DRAM2: variants seen among roughly 807,000 people sequenced by gnomAD.
DRAM2 encodes the protein DNA damage regulated autophagy modulator 2.
A neutral mutation model predicts 33.5 loss-of-function variants in DRAM2; 26 were observed. The observed-to-expected ratio is 0.78, with a 90% CI of 0.57 to 1.08. The LOEUF (loss-of-function observed/expected upper bound fraction) is 1.08, where lower values mean the gene tolerates loss of function less well. DRAM2 is among the 50% of genes least tolerant of loss of function. The pLI is 0.00. For synonymous variants in DRAM2, 98 were observed against 109.5 expected, an observed-to-expected ratio of 0.89 and a Z score of 0.66; for missense variants, 311 against 318.1, an observed-to-expected ratio of 0.98 and a Z score of 0.17.
rs759095509 is a variant in DRAM2 at position 111,131,516 on chromosome 1, T to C, written c.39A>G (p.Ser13=). ...CAGCAGATGTCCAAATTACAAGGGC[T>C]GAAGGAAGGAAACTGAGGCCTTGCT... ...WFQQGLSFLP[S]ALVIWTSAAF... Residue 13 remains serine, a synonymous_variant, in exon 4 of 10, where the codon TCA becomes TCG. Coordinates refer to ENST00000484310, the MANE Select transcript of DRAM2 (RefSeq NM_001349884.2). 44 of 1,614,186 alleles carry C rather than the reference T, an allele frequency of 2.7e-5. No individual in the cohort carries two copies. The highest frequency in any genetic ancestry group is 3.6e-5 in the Non-Finnish European group (43 of 1,180,018).
chr1:111,121,813 T>C (rs1243031251), intron 6 of DRAM2, among the ~76,000 whole-genome samples: 4 of 152,148 alleles, frequency 2.6e-5, no homozygotes, highest in Non-Finnish European at 4.4e-5. Flanking sequence ...TCTTAAGTAC[T>C]AAGCTAGGTG....
chr1:111,125,639 T>G (rs1259427615), intron 5 of DRAM2: 1 of 152,282 alleles, frequency 6.6e-6, no homozygotes, highest in East Asian at 1.9e-4. Flanking sequence ...CTTCCTGATT[T>G]CTATTTTTGA....
chr1:111,117,869 GGTT>G lies in DRAM2; in HGVS notation c.*288_*290del. On this transcript the variant is annotated 3_prime_UTR_variant, in exon 10 of 10. Transcript: ENST00000484310. Reference sequence around the variant, plus strand: ...TGTGCAGACTGATTGGTGCACGTCAGGTTGTTTCTCTTAAATAAGGTATAAAAA... The same window carrying G: ...TGTGCAGACTGATTGGTGCACGTCAGGTTTCTCTTAAATAAGGTATAAAAA... The G allele has an allele frequency of 2.7e-6, 1 of 367,744 alleles. No homozygotes were observed. Among genetic ancestry groups the G allele is most frequent in the South Asian group, 2.7e-5 (1 of 36,764 alleles). The allele number at this position is 367,744 out of a possible 1,614,324, so 22.8% of individuals were successfully genotyped here. A position where few individuals can be genotyped will look rare whatever the true frequency, so the allele number is the denominator to read the frequency against.
intron 4 of DRAM2, among the ~76,000 whole-genome samples, chr1:111,127,146 G>A (rs1484789636): frequency 6.6e-6 from 1 of 152,178 alleles, no homozygotes; most frequent in African/African-American, 2.4e-5. Context: ...TAATGGTAAT[G>A]CATGTTAAGT....
chr1:111,124,045 C>T (rs543368674), intron 6 of DRAM2, among the ~76,000 whole-genome samples: 2 of 152,252 alleles, frequency 1.3e-5, no homozygotes, highest in African/African-American at 4.8e-5. Context: ...AACCAGAATC[C>T]CTTCTTAACC....
At chr1:111,132,135 A>G (rs1056938770) in intron 3 of DRAM2, among the ~76,000 whole-genome samples, 4 of 152,182 alleles carry the variant, frequency 2.6e-5, no homozygotes, top group East Asian at 1.9e-4. Context: ...TCCATCCCCA[A>G]TTCCAGGAAG....
rs780735496 is a variant in DRAM2, at chr1:111,119,897, G to A, written c.580C>T (p.His194Tyr). The change falls in exon 8 of 10, where the codon CAT becomes TAT. Residue 194 changes from histidine to tyrosine, a missense_variant. Coordinates refer to ENST00000484310, the MANE Select transcript of DRAM2 (RefSeq NM_001349884.2). Reference sequence around the variant, plus strand: ...CTTACTTTGTCCTCGGGGTTCCAATGGAGTTTCTGTTCTAAATCAGTCCCA... The same window carrying A: ...CTTACTTTGTCCTCGGGGTTCCAATAGAGTTTCTGTTCTAAATCAGTCCCA... ...NFGTDLEQKL[H>Y]WNPEDKGYVL... 6.2e-7 allele frequency: 1 copy of A among 1,612,772 alleles called. No homozygotes were observed.
At chr1:111,130,313 A>C (rs1315825454) in intron 4 of DRAM2, among the ~76,000 whole-genome samples, 1 of 151,950 alleles carries the variant, frequency 6.6e-6, no homozygotes, top group Non-Finnish European at 1.5e-5. Flanking sequence ...ACCTCCCTGG[A>C]CCTCATTTCC....
chr1:111,132,892 C>A (rs1652391747), intron 3 of DRAM2, among the ~76,000 whole-genome samples: 1 of 151,770 alleles, frequency 6.6e-6, no homozygotes, highest in Admixed American at 6.6e-5. Flanking sequence ...GTTGCCCAGG[C>A]TGGTATCAAA....
At chr1:111,121,312 A>G in intron 6 of DRAM2, among the ~76,000 whole-genome samples, 1 of 152,090 alleles carries the variant, frequency 6.6e-6, no homozygotes, top group Non-Finnish European at 1.5e-5. Flanking sequence ...GCCAAGGAAC[A>G]CCAAGGATTA....
At position 111,131,615 on chromosome 1, in the gene DRAM2, C is replaced by G. The variant is rs558394263; in HGVS notation, c.-14-47G>C. ...AGAAAAGATAATTCACAAGAGTTTC[C>G]TCATCCTACTTTAGCCATCCATGCC... is the stretch of plus-strand genomic sequence containing the variant. On this transcript the variant is annotated intron_variant, in intron 3 of 9. Transcript: ENST00000484310. 3.8e-6 allele frequency: 6 copies of G among 1,595,904 alleles called. No homozygotes were observed. The South Asian group carries it at 6.7e-5, about 18-fold the overall frequency.
At chr1:111,131,232 T>G (rs1652012017) in intron 4 of DRAM2, among the ~76,000 whole-genome samples, 192 bp downstream of exon 4, 1 of 152,194 alleles carries the variant, frequency 6.6e-6, no homozygotes, top group South Asian at 2.1e-4. Context: ...AAACTGAATC[T>G]TATTGGGCTG....
At chr1:111,129,754 ATAAG>A (rs1651694801) in intron 4 of DRAM2, among the ~76,000 whole-genome samples, 1 of 152,210 alleles carries the variant, frequency 6.6e-6, no homozygotes, top group South Asian at 2.1e-4. Context: ...GGAAGGAAGA[ATAAG>A]TAAGCAATTT....
chr1:111,133,200 C>T (rs1652476411), intron 3 of DRAM2, among the ~76,000 whole-genome samples: 1 of 135,080 alleles, frequency 7.4e-6, no homozygotes, highest in African/African-American at 2.8e-5. Context: ...TTTTTTGAGA[C>T]AGAGTGTCAC....
intron 6 of DRAM2, among the ~76,000 whole-genome samples, chr1:111,124,436 T>C (rs1010888937): frequency 6.6e-6 from 1 of 152,220 alleles, no homozygotes; most frequent in African/African-American, 2.4e-5. Flanking sequence ...TTCTAATTTA[T>C]ATCAATTTTG....
chr1:111,124,761 G>A lies in DRAM2; in HGVS notation c.320C>T (p.Ser107Phe). ...ACAAACCTGGAAGTTTGCCACAATA[G>A]AAAGTCCTAAACAACTCAGTATTCC... The part of the protein sequence containing the change: ...VLGILSCLGL[S>F]IVANFQKTTL... Residue 107 changes from serine to phenylalanine, a missense_variant, in exon 6 of 10, where the codon TCT becomes TTT. Physicochemically the swap from Ser to Phe is radical, Grantham distance 155 (BLOSUM62 -2). Transcript: ENST00000484310. 6.2e-7 allele frequency: 1 copy of A among 1,613,264 alleles called. No homozygotes were observed. Among genetic ancestry groups the A allele is most frequent in the Non-Finnish European group, 8.5e-7 (1 of 1,179,568 alleles).
intron 5 of DRAM2, 28 bp from the exon 6 acceptor site, chr1:111,124,909 A>G (rs1650707209): frequency 1.9e-6 from 3 of 1,604,386 alleles, no homozygotes; most frequent in African/African-American, 2.7e-5. Flanking sequence ...AAAAAACAAC[A>G]AAGTAATAAA....
At chr1:111,131,384 A>G (rs2101085029) in intron 4 of DRAM2, 40 bp downstream of exon 4, 1 of 1,567,424 alleles carries the variant, frequency 6.4e-7, no homozygotes, top group East Asian at 2.2e-5. Flanking sequence ...TAAGAATGAG[A>G]CATAAAGAGT....
intron 8 of DRAM2, 40 bp downstream of exon 8, chr1:111,119,837 C>G: frequency 6.7e-7 from 1 of 1,483,030 alleles, no homozygotes; most frequent in African/African-American, 1.4e-5. Flanking sequence ...AAATAACCAT[C>G]TTTAATATAA....
Sources: gnomAD v4.1 joint callset for allele counts (sites outside exome capture counted in the v4.1 genomes callset) on GRCh38, gnomAD v4.1.1 for gene constraint, MANE v1.5 for transcripts, NCBI Gene and HGNC (gene_info 2026-07-23, HGNC 2026-07-21) for gene names.